The following PRKCA variants were observed in gnomAD, a reference collection of about 807,000 sequenced individuals.
The protein encoded by PRKCA is protein kinase C alpha type.
PRKCA carries 27 observed loss-of-function variants against 87.0 expected under a neutral mutation model. The ratio of observed to expected loss-of-function variants is 0.31; its 90% CI spans 0.23 to 0.43. PRKCA has a LOEUF of 0.43. Among genes scored for constraint, PRKCA ranks in the 20% least tolerant of loss-of-function variants. PRKCA has a pLI of 1.00. For synonymous variants in PRKCA, 329 were observed against 311.1 expected (o/e 1.06, Z -0.61); for missense variants, 518 against 852.3 (o/e 0.61, Z 4.88).
At chr17:66,527,078 G>C (rs1231271826) in intron 3 of PRKCA, among the ~76,000 whole-genome samples, 1 of 152,168 alleles carries the variant, frequency 6.6e-6, no homozygotes, top group Non-Finnish European at 1.5e-5. Context: ...TTGAGGCAGA[G>C]ACTGAGTGGC....
At chr17:66,377,724 T>A (rs867842235) in intron 2 of PRKCA, among the ~76,000 whole-genome samples, 6,276 of 118,004 alleles carry the variant, frequency 0.053, 85 homozygotes, top group African/African-American at 0.075. Flanking sequence ...TATATATATT[T>A]TTTTTTTTTT....
chr17:66,765,484 A>ATATATTTGTCTTTATATATATATGTCTT lies in PRKCA; in HGVS notation c.1525-8469_1525-8442dup, dbSNP rs1200958459. ...TATATATACATATTTGTCCATATAT[A>ATATATTTGTCTTTATATATATATGTCTT]TATATTTGTCTTTATATATATATGT... On this transcript the variant is annotated intron_variant, in intron 13 of 16. Coordinates refer to ENST00000413366, the MANE Select transcript of PRKCA (RefSeq NM_002737.3). Among the ~76,000 whole-genome samples, 3 of 141,082 alleles carry ATATATTTGTCTTTATATATATATGTCTT rather than the reference A, an allele frequency of 2.1e-5. No homozygotes were observed. The South Asian group carries it at 6.6e-4, about 31-fold the overall frequency. The allele number at this position is 141,082 out of a possible 152,430, so 92.6% of individuals were successfully genotyped here.
chr17:66,498,065 A>G (rs1223341397), intron 3 of PRKCA, among the ~76,000 whole-genome samples: 1 of 152,118 alleles, frequency 6.6e-6, no homozygotes, highest in African/African-American at 2.4e-5. Context: ...GCCCAAGTCC[A>G]TGAACGTTGA....
chr17:66,316,412 T>G (rs980075330), intron 2 of PRKCA, among the ~76,000 whole-genome samples: 2 of 152,230 alleles, frequency 1.3e-5, no homozygotes, highest in African/African-American at 2.4e-5. Context: ...TAACTTCTTG[T>G]GTTTAAAATA....
At chr17:66,451,474 T>C (rs531780333) in intron 2 of PRKCA, among the ~76,000 whole-genome samples, 6 of 151,364 alleles carry the variant, frequency 4.0e-5, no homozygotes, top group Non-Finnish European at 8.9e-5. Context: ...CATATATGAA[T>C]GAAATTTTGC....
At chr17:66,715,128 T>C (rs539308099) in intron 8 of PRKCA, among the ~76,000 whole-genome samples, 1 of 150,444 alleles carries the variant, frequency 6.6e-6, no homozygotes, top group Non-Finnish European at 1.5e-5. Flanking sequence ...TTTTGTTTTT[T>C]GGTTTTTTTT....
At chr17:66,665,263 A>G (rs1444911404) in intron 5 of PRKCA, among the ~76,000 whole-genome samples, 2 of 152,214 alleles carry the variant, frequency 1.3e-5, no homozygotes, top group Non-Finnish European at 2.9e-5. Flanking sequence ...AAATGGAGGC[A>G]TAGAGGATTT....
chr17:66,368,386 A>ATATTTTTTTTTTT (rs1567793184), intron 2 of PRKCA, among the ~76,000 whole-genome samples: 3 of 25,468 alleles, frequency 1.2e-4, no homozygotes, highest in African/African-American at 3.6e-4. Context: ...ATATATATAT[A>ATATTTTTTTTTTT]TTTTTTTTTT....
intron 2 of PRKCA, among the ~76,000 whole-genome samples, chr17:66,338,866 A>G (rs559517311): frequency 1.3e-5 from 2 of 152,334 alleles, no homozygotes; most frequent in South Asian, 4.1e-4. Context: ...GAGAACAACA[A>G]CATTCAACAG....
intron 5 of PRKCA, among the ~76,000 whole-genome samples, chr17:66,654,548 G>A (rs9893679): frequency 0.55 from 83,335 of 152,042 alleles, 22,890 homozygotes; most frequent in Middle Eastern, 0.58. Flanking sequence ...GCAGCTGACC[G>A]TTGGCTCTGG....
At chr17:66,324,906 C>G (rs1905883826) in intron 2 of PRKCA, among the ~76,000 whole-genome samples, 1 of 152,190 alleles carries the variant, frequency 6.6e-6, no homozygotes, top group South Asian at 2.1e-4. Flanking sequence ...TTGATTGGAA[C>G]TGACATGGGA....
At chr17:66,533,056 T>C (rs1967622280) in intron 3 of PRKCA, among the ~76,000 whole-genome samples, 1 of 152,160 alleles carries the variant, frequency 6.6e-6, no homozygotes, top group African/African-American at 2.4e-5. Flanking sequence ...CCTTTGGAAG[T>C]GGATTTTAAG....
At chr17:66,493,563 C>T (rs1485476389) in intron 2 of PRKCA, among the ~76,000 whole-genome samples, 1 of 151,988 alleles carries the variant, frequency 6.6e-6, no homozygotes, top group Non-Finnish European at 1.5e-5. Flanking sequence ...TGTCTGTCCT[C>T]CCTGCCTCCC....
In PRKCA at chr17:66,608,018, G is replaced by T. The variant is rs554571821; in HGVS notation, c.289-33337G>T. Among the ~76,000 whole-genome samples, 4 of 152,268 alleles carry T rather than the reference G, an allele frequency of 2.6e-5. No individual in the cohort carries two copies. In the East Asian group the frequency reaches 7.7e-4, roughly 29 times the overall value. On this transcript the variant is annotated intron_variant, in intron 3 of 16. Coordinates refer to ENST00000413366, the MANE Select transcript of PRKCA (RefSeq NM_002737.3). ...TTTCTGAGTGGGTGATACGCATTAG[G>T]GTTTTGGTGGTGCTGATTATTGCAT...
intron 3 of PRKCA, among the ~76,000 whole-genome samples, chr17:66,548,495 G>C (rs1446820177): frequency 6.6e-6 from 1 of 152,232 alleles, no homozygotes; most frequent in African/African-American, 2.4e-5. Flanking sequence ...GCACCAAGCT[G>C]TGTGTACCAC....
At chr17:66,668,481 G>A (rs1972095677) in intron 5 of PRKCA, among the ~76,000 whole-genome samples, 1 of 152,110 alleles carries the variant, frequency 6.6e-6, no homozygotes, top group South Asian at 2.1e-4. Flanking sequence ...ATCCTACCTG[G>A]CTCCAGCAAA....
chr17:66,556,772 T>TC (rs910646474), intron 3 of PRKCA, among the ~76,000 whole-genome samples: 4 of 152,188 alleles, frequency 2.6e-5, no homozygotes, highest in African/African-American at 9.6e-5. Context: ...CATGTTTGCA[T>TC]CCCCTTCCAC....
chr17:66,457,538 A>G (rs1914626202), intron 2 of PRKCA, among the ~76,000 whole-genome samples: 1 of 152,084 alleles, frequency 6.6e-6, no homozygotes, highest in Admixed American at 6.5e-5. Flanking sequence ...CTGTGTCCCC[A>G]CCCAAATCTC....
intron 2 of PRKCA, among the ~76,000 whole-genome samples, chr17:66,383,341 CT>C (rs1909875440): frequency 1.3e-5 from 2 of 151,794 alleles, no homozygotes; most frequent in African/African-American, 4.8e-5. Context: ...AATGTATAGA[CT>C]TTCTGTTTGC....
Sources: gnomAD v4.1 joint callset for allele counts (sites outside exome capture counted in the v4.1 genomes callset) on GRCh38, gnomAD v4.1.1 for gene constraint, MANE v1.5 for transcripts, NCBI Gene and HGNC (gene_info 2026-07-23, HGNC 2026-07-21) for gene names.